Variants in STPG2 observed in about 807,000 individuals in gnomAD.
The protein encoded by STPG2 is sperm-tail PG-rich repeat-containing protein 2.
STPG2 carries 56 observed loss-of-function variants against 54.2 expected under a neutral mutation model. The observed-to-expected ratio is 1.03, with a 90% CI of 0.83 to 1.29. STPG2 has a LOEUF of 1.29. Ranked by LOEUF, STPG2 falls within the 50% of genes most tolerant of loss-of-function variation. The pLI, the probability that STPG2 is intolerant of heterozygous loss-of-function variation, is 0.00. For synonymous variants in STPG2, 200 were observed against 181.8 expected (o/e 1.10, Z -0.81); for missense variants, 596 against 544.9 (o/e 1.09, Z -0.93).
chr4:97,456,438 A>T (rs1002148452), intron 4 of STPG2, among the ~76,000 whole-genome samples: 1 of 152,116 alleles, frequency 6.6e-6, no homozygotes, highest in African/African-American at 2.4e-5. Context: ...TCTCCCCATG[A>T]TCCAGTTACC....
intron 8 of STPG2, among the ~76,000 whole-genome samples, chr4:97,932,267 T>TCATCTTCTACTAGTTTTGGGG (rs1485543664): frequency 1.3e-5 from 2 of 152,220 alleles, no homozygotes; most frequent in Non-Finnish European, 2.9e-5. Flanking sequence ...TTGCTATTTT[T>TCATCTTCTACTAGTTTTGGGG]CATCTTCTAC....
chr4:97,901,007 T>A (rs766850705), intron 8 of STPG2, among the ~76,000 whole-genome samples: 1 of 151,838 alleles, frequency 6.6e-6, no homozygotes. Context: ...CAGGCAACAC[T>A]CAAAGAAAAA....
intron 10 of STPG2, among the ~76,000 whole-genome samples, chr4:97,621,776 A>G (rs1368928172): frequency 6.6e-6 from 1 of 152,186 alleles, no homozygotes; most frequent in Admixed American, 6.5e-5. Flanking sequence ...AACTCATTCT[A>G]TGAGGACAGC....
chr4:97,565,204 C>A (rs2148878494), intron 10 of STPG2, among the ~76,000 whole-genome samples: 1 of 152,248 alleles, frequency 6.6e-6, no homozygotes, highest in Admixed American at 6.5e-5. Context: ...TCACTGATAC[C>A]CTTTCTTCCA....
At chr4:97,493,272 A>G (rs956354394) in intron 4 of STPG2, among the ~76,000 whole-genome samples, 25 of 151,402 alleles carry the variant, frequency 1.7e-4, no homozygotes, top group African/African-American at 5.8e-4. Context: ...GCCCTTATTG[A>G]GGAAGTGTAT....
chr4:97,828,391 C>T (rs1033287344), intron 9 of STPG2, among the ~76,000 whole-genome samples: 7 of 152,174 alleles, frequency 4.6e-5, no homozygotes, highest in African/African-American at 9.7e-5. Context: ...CTTCGCAACC[C>T]GCAGACCAGG....
chr4:97,981,270 C>G lies in STPG2; in HGVS notation c.661G>C (p.Glu221Gln). 6.2e-7 allele frequency: 1 copy of G among 1,613,982 alleles called. No individual in the cohort carries two copies. ...AAAGACTTGAGAGCAGTTCGAGGTTCATTATATGTGCCAGGAGCCGGGGTG... is the reference window on the plus strand; with the variant it reads ...AAAGACTTGAGAGCAGTTCGAGGTTGATTATATGTGCCAGGAGCCGGGGTG... ...SITPAPGTYN[E>Q]PRTALKSLKK... Residue 221 changes from glutamate (E) to glutamine (Q), a missense_variant, in exon 6 of 11, where the codon GAA becomes CAA. Glu to Gln is a conservative substitution (Grantham distance 29). Transcript: ENST00000295268.
chr4:98,063,883 A>AT (rs1417883798), intron 5 of STPG2, among the ~76,000 whole-genome samples: 1 of 151,966 alleles, frequency 6.6e-6, no homozygotes, highest in African/African-American at 2.4e-5. Flanking sequence ...CTACAAAAAA[A>AT]ATATATTTTT....
At chr4:98,102,983 T>C (rs150662287) in intron 5 of STPG2, among the ~76,000 whole-genome samples, 3,300 of 150,916 alleles carry the variant, frequency 0.022, 40 homozygotes, top group Non-Finnish European at 0.028. Context: ...TTCCATGGAA[T>C]CTAACTTTTA....
intron 7 of STPG2, among the ~76,000 whole-genome samples, chr4:97,950,723 T>G (rs1733432948): frequency 6.6e-6 from 1 of 152,200 alleles, no homozygotes; most frequent in Non-Finnish European, 1.5e-5. Context: ...CCATGTTCAT[T>G]GCTGGGCATA....
intron 9 of STPG2, among the ~76,000 whole-genome samples, chr4:97,738,739 T>A (rs2149033926): frequency 6.6e-6 from 1 of 152,162 alleles, no homozygotes; most frequent in East Asian, 1.9e-4. Flanking sequence ...ACAAAGAGAC[T>A]TAGACTCCCA....
intron 8 of STPG2, among the ~76,000 whole-genome samples, chr4:97,909,097 A>G (rs891694273): frequency 9.9e-5 from 15 of 150,948 alleles, no homozygotes; most frequent in Admixed American, 4.0e-4. Context: ...AAACAATCAA[A>G]AGGCAAACAA....
chr4:97,908,908 TA>T (rs1163597468), intron 8 of STPG2, among the ~76,000 whole-genome samples: 2 of 151,280 alleles, frequency 1.3e-5, no homozygotes, highest in Non-Finnish European at 2.9e-5. Context: ...GCGATATACC[TA>T]ATGCTAGATG....
chr4:98,026,060 A>G, intron 5 of STPG2: 1 of 1,115,604 alleles, frequency 9.0e-7, no homozygotes, highest in Non-Finnish European at 1.3e-6. Context: ...TCAATACATA[A>G]AGAACAGAGT....
intron 5 of STPG2, among the ~76,000 whole-genome samples, chr4:98,078,103 A>G (rs951633947): frequency 1.3e-5 from 2 of 152,022 alleles, no homozygotes; most frequent in African/African-American, 4.8e-5. Flanking sequence ...AGAGAGAGAG[A>G]AAAAAAAGAG....
chr4:97,933,245 T>A (rs1222282685), intron 8 of STPG2, among the ~76,000 whole-genome samples: 1 of 152,202 alleles, frequency 6.6e-6, no homozygotes, highest in Non-Finnish European at 1.5e-5. Flanking sequence ...TTAAGTTCCT[T>A]GTAAATTCTG....
intron 8 of STPG2, among the ~76,000 whole-genome samples, chr4:97,911,567 CA>C (rs1377666372): frequency 6.6e-6 from 1 of 152,196 alleles, no homozygotes; most frequent in East Asian, 1.9e-4. Context: ...GCTGCTGTGG[CA>C]AATCGTGGCC....
At chr4:97,902,868 A>G (rs1731230776) in intron 8 of STPG2, among the ~76,000 whole-genome samples, 1 of 152,184 alleles carries the variant, frequency 6.6e-6, no homozygotes, top group Non-Finnish European at 1.5e-5. Context: ...AGCATTATTC[A>G]CAAGAGCCAA....
At chr4:98,097,103 T>A (rs1738884453) in intron 5 of STPG2, among the ~76,000 whole-genome samples, 1 of 152,180 alleles carries the variant, frequency 6.6e-6, no homozygotes, top group Non-Finnish European at 1.5e-5. Flanking sequence ...AAGAAGAGAT[T>A]ACTTCCAAAC....
Sources: allele counts gnomAD v4.1 joint callset (sites outside exome capture counted in the v4.1 genomes callset), GRCh38; gene constraint gnomAD v4.1.1; transcripts MANE v1.5; gene names NCBI Gene and HGNC (gene_info 2026-07-23, HGNC 2026-07-21).